SEMA6D: variants seen among roughly 807,000 people sequenced by gnomAD.
SEMA6D encodes the protein semaphorin 6D.
In SEMA6D, 35 loss-of-function variants were observed where a neutral mutation model predicts 106.6. That is an observed-to-expected ratio of 0.33 (90% CI 0.25 to 0.44). The LOEUF (loss-of-function observed/expected upper bound fraction) is 0.44, where lower values mean the gene tolerates loss of function less well. SEMA6D is among the 20% of genes least tolerant of loss of function. SEMA6D has a pLI of 1.00. For missense variants in SEMA6D, 1,185 were observed against 1,345.9 expected (o/e 0.88, Z 1.87); for synonymous variants, 499 against 487.7 (o/e 1.02, Z -0.31).
intron 1 of SEMA6D, among the ~76,000 whole-genome samples, chr15:47,726,524 T>G (rs1313564380): frequency 6.6e-6 from 1 of 152,222 alleles, no homozygotes; most frequent in African/African-American, 2.4e-5. Context: ...ATAGGCAGTG[T>G]GAGTAAGAAC....
chr15:47,727,203 C>G (rs775279160), intron 1 of SEMA6D, among the ~76,000 whole-genome samples: 2 of 152,168 alleles, frequency 1.3e-5, no homozygotes, highest in Non-Finnish European at 2.9e-5. Context: ...CCATCTCTGT[C>G]GTCACGCACA....
chr15:47,502,855 T>A (rs1159587635), intron 3 of SEMA6D, among the ~76,000 whole-genome samples: 1 of 152,208 alleles, frequency 6.6e-6, no homozygotes, highest in Non-Finnish European at 1.5e-5. Flanking sequence ...ATGTTCTCAC[T>A]GTGATGTCTC....
At chr15:47,386,631 T>G (rs933403978) in intron 1 of SEMA6D, among the ~76,000 whole-genome samples, 2 of 152,190 alleles carry the variant, frequency 1.3e-5, no homozygotes, top group South Asian at 4.1e-4. Context: ...TGGACCTGTC[T>G]TAGTATTTTT....
At chr15:47,192,589 A>G (rs1894040318) in intron 1 of SEMA6D, among the ~76,000 whole-genome samples, 1 of 152,180 alleles carries the variant, frequency 6.6e-6, no homozygotes, top group Admixed American at 6.5e-5. Context: ...ATTTTTTTCA[A>G]AGAATAACTA....
chr15:47,655,917 C>T (rs977983020), intron 4 of SEMA6D, among the ~76,000 whole-genome samples: 2 of 152,242 alleles, frequency 1.3e-5, no homozygotes, highest in African/African-American at 4.8e-5. Context: ...AGTTGCCTCA[C>T]GCATTCATTA....
chr15:47,358,259 G>A (rs2038667820), intron 1 of SEMA6D, among the ~76,000 whole-genome samples: 1 of 152,188 alleles, frequency 6.6e-6, no homozygotes. Flanking sequence ...CTTTCCTGCA[G>A]GGAATGATTA....
chr15:47,218,676 G>C (rs2141331303), intron 1 of SEMA6D, among the ~76,000 whole-genome samples: 1 of 152,298 alleles, frequency 6.6e-6, no homozygotes, highest in Non-Finnish European at 1.5e-5. Flanking sequence ...AGTATTCATG[G>C]AGATTATGCT....
Position 47,343,248 on chromosome 15 carries a change from T to TTTATTATTATTATTATTATTATTA in SEMA6D, c.-238-69143_-238-69120dup, listed in dbSNP as rs10637657. On this transcript the variant is annotated intron_variant, in intron 1 of 19. Coordinates refer to the SEMA6D transcript ENST00000558014. ...AAAAAAACGATGGATTAGTTGGATT[T>TTTATTATTATTATTATTATTATTA]TTATTATTATTATTATTATTATTAT... Among the ~76,000 whole-genome samples, 813 of 146,124 alleles carry TTTATTATTATTATTATTATTATTA rather than the reference T, an allele frequency of 5.6e-3. 6 individuals carry two copies. The highest frequency in any genetic ancestry group is 0.014 in the African/African-American group (529 of 38,542).
intron 1 of SEMA6D, among the ~76,000 whole-genome samples, chr15:47,364,536 C>A (rs488695): frequency 0.87 from 132,142 of 152,170 alleles, 57,565 homozygotes; most frequent in South Asian, 0.89. Context: ...GTGCGCTGCA[C>A]ATGTGGAATT....
intron 3 of SEMA6D, among the ~76,000 whole-genome samples, chr15:47,520,612 A>G (rs2044542774): frequency 6.6e-6 from 1 of 152,238 alleles, no homozygotes; most frequent in Non-Finnish European, 1.5e-5. Context: ...ATTGGTCTTC[A>G]GAAACTTCTG....
In SEMA6D at chr15:47,633,676, C is replaced by T. The variant is rs139597731; in HGVS notation, c.-55+32780C>T. Among the ~76,000 whole-genome samples the T allele has an allele frequency of 9.9e-5, 15 of 152,228 alleles. No homozygotes were observed. In the East Asian group the frequency reaches 2.7e-3, roughly 27 times the overall value. Reference sequence around the variant, plus strand: ...TCTGTAAGTTCATGTTATCTGTAAACTTTGGGAAATGTTCTACTTCATTTA... The same window carrying T: ...TCTGTAAGTTCATGTTATCTGTAAATTTTGGGAAATGTTCTACTTCATTTA... On this transcript the variant is annotated intron_variant, in intron 4 of 19. Coordinates refer to the SEMA6D transcript ENST00000558014.
At chr15:47,633,580 T>C (rs2077328970) in intron 4 of SEMA6D, among the ~76,000 whole-genome samples, 1 of 152,202 alleles carries the variant, frequency 6.6e-6, no homozygotes, top group Admixed American at 6.5e-5. Flanking sequence ...TTTTCAGAAG[T>C]TGAATTGTAA....
At chr15:47,671,416 G>T (rs897189457) in intron 4 of SEMA6D, among the ~76,000 whole-genome samples, 2 of 152,166 alleles carry the variant, frequency 1.3e-5, no homozygotes, top group Non-Finnish European at 2.9e-5. Context: ...TAATGAGAAA[G>T]CCTAAGGGCT....
intron 1 of SEMA6D, among the ~76,000 whole-genome samples, chr15:47,254,253 TTATA>T (rs565416296): frequency 2.0e-5 from 3 of 148,142 alleles, no homozygotes; most frequent in Non-Finnish European, 3.0e-5. Context: ...GTCTTTGAGA[TTATA>T]TATATATATA....
intron 1 of SEMA6D, among the ~76,000 whole-genome samples, chr15:47,384,814 G>GTTTTTTTTTTTT (rs1168068495): frequency 1.4e-4 from 9 of 65,696 alleles, no homozygotes; most frequent in African/African-American, 3.2e-4. Context: ...GATTACTAAA[G>GTTTTTTTTTTTT]TTTTTTTTTT....
At chr15:47,609,173 G>T (rs2076841355) in intron 4 of SEMA6D, among the ~76,000 whole-genome samples, 1 of 152,138 alleles carries the variant, frequency 6.6e-6, no homozygotes, top group East Asian at 1.9e-4. Flanking sequence ...TAGAAGAATG[G>T]AGTAACCATA....
At chr15:47,507,338 C>G (rs536024193) in intron 3 of SEMA6D, among the ~76,000 whole-genome samples, 1 of 139,442 alleles carries the variant, frequency 7.2e-6, no homozygotes, top group East Asian at 2.1e-4. Context: ...TCAAGTGGGA[C>G]ACCCCCCCCC....
At chr15:47,599,081 G>A (rs916712019) in intron 3 of SEMA6D, among the ~76,000 whole-genome samples, 1 of 152,060 alleles carries the variant, frequency 6.6e-6, no homozygotes, top group Admixed American at 6.6e-5. Context: ...TAATCTGCTA[G>A]GGATGCAGAT....
intron 3 of SEMA6D, among the ~76,000 whole-genome samples, chr15:47,498,901 C>T (rs1301028688): frequency 6.6e-6 from 1 of 152,114 alleles, no homozygotes; most frequent in Non-Finnish European, 1.5e-5. Flanking sequence ...TAGCCCTGCT[C>T]CTGACATTGT....
Sources: allele counts gnomAD v4.1 joint callset (sites outside exome capture counted in the v4.1 genomes callset), GRCh38; gene constraint gnomAD v4.1.1; transcripts MANE v1.5; gene names NCBI Gene and HGNC (gene_info 2026-07-23, HGNC 2026-07-21).